The following SCAPER variants were observed in gnomAD, a reference collection of about 807,000 sequenced individuals.
The protein encoded by SCAPER is S-phase cyclin A associated protein in the ER.
In SCAPER, 98 loss-of-function variants were observed where a neutral mutation model predicts 182.2. That is an observed-to-expected ratio of 0.54 (90% CI 0.46 to 0.64). The LOEUF is 0.64. SCAPER is among the 30% of genes least tolerant of loss of function. The pLI, the probability that SCAPER is intolerant of heterozygous loss-of-function variation, is 0.00. For synonymous variants in SCAPER, 605 were observed against 564.6 expected, an observed-to-expected ratio of 1.07 and a Z score of -1.01; for missense variants, 1,432 against 1,690.0, an observed-to-expected ratio of 0.85 and a Z score of 2.68.
chr15:76,602,930 T>C lies in SCAPER; in HGVS notation c.2711+18834A>G, dbSNP rs572612580. ...TGGCATTTCTTTTTTTTTTTTTTAA[T>C]TTGAGCTCATTTATTGGTTCAGAAT... On this transcript the variant is annotated intron_variant, in intron 22 of 31. Coordinates refer to ENST00000563290, the MANE Select transcript of SCAPER (RefSeq NM_020843.4). Among the ~76,000 whole-genome samples, 53 of 116,794 alleles carry C rather than the reference T, an allele frequency of 4.5e-4. 4 individuals carry two copies. Among genetic ancestry groups the C allele is most frequent in the African/African-American group, 1.3e-3 (51 of 39,020 alleles). 76.6% of individuals were successfully genotyped at this position (116,794 alleles called of 152,430 possible).
At chr15:76,765,784 G>T in intron 11 of SCAPER, 146 bp from the exon 12 acceptor site, 1 of 668,492 alleles carries the variant, frequency 1.5e-6, no homozygotes, top group Non-Finnish European at 2.6e-6. Flanking sequence ...GTACCTACCA[G>T]TACAATCAAA....
chr15:76,756,547 ATGCTGGGAGACAGAGCAAGTCCCT>A, intron 14 of SCAPER, among the ~76,000 whole-genome samples: 1 of 152,304 alleles, frequency 6.6e-6, no homozygotes, highest in African/African-American at 2.4e-5. Context: ...ACTGCACTCC[ATGCTGGGAGACAGAGCAAGTCCCT>A]GACTCTAAAA....
intron 23 of SCAPER, among the ~76,000 whole-genome samples, chr15:76,549,621 A>G (rs1845513184): frequency 1.3e-5 from 2 of 152,198 alleles, no homozygotes; most frequent in Non-Finnish European, 2.9e-5. Context: ...GGGGAGGGAT[A>G]GCATTAGGAG....
chr15:76,584,558 T>A (rs2048494339), intron 22 of SCAPER, among the ~76,000 whole-genome samples: 1 of 152,134 alleles, frequency 6.6e-6, no homozygotes, highest in Non-Finnish European at 1.5e-5. Context: ...CCACAAAAAT[T>A]AAATATAAAA....
intron 22 of SCAPER, among the ~76,000 whole-genome samples, chr15:76,592,220 T>C (rs2049174957): frequency 6.6e-6 from 1 of 151,792 alleles, no homozygotes; most frequent in Non-Finnish European, 1.5e-5. Flanking sequence ...AATTAAAATA[T>C]TTTTAAAATG....
At chr15:76,409,114 G>T (rs1851924222) in intron 26 of SCAPER, among the ~76,000 whole-genome samples, 1 of 152,096 alleles carries the variant, frequency 6.6e-6, no homozygotes, top group Non-Finnish European at 1.5e-5. Context: ...ATCTTTAAAT[G>T]ACTGGCTAAG....
At chr15:76,393,445 C>G (rs905678199) in intron 27 of SCAPER, among the ~76,000 whole-genome samples, 1 of 152,140 alleles carries the variant, frequency 6.6e-6, no homozygotes, top group Non-Finnish European at 1.5e-5. Context: ...TAGCTAATGA[C>G]AACAAAATAT....
chr15:76,834,301 A>T (rs2068748225), intron 5 of SCAPER, among the ~76,000 whole-genome samples: 1 of 152,210 alleles, frequency 6.6e-6, no homozygotes, highest in Admixed American at 6.5e-5. Context: ...TGAAACTAAT[A>T]AAAACAAAGA....
intron 1 of SCAPER, among the ~76,000 whole-genome samples, chr15:76,891,642 C>A (rs2074173289): frequency 6.6e-6 from 1 of 152,120 alleles, no homozygotes; most frequent in South Asian, 2.1e-4. Flanking sequence ...GAACTACAAA[C>A]CACTACGCAA....
intron 17 of SCAPER, among the ~76,000 whole-genome samples, chr15:76,712,368 G>C (rs935363447): frequency 7.9e-5 from 12 of 152,140 alleles, no homozygotes; most frequent in African/African-American, 2.9e-4. Flanking sequence ...AAGTCAGGTA[G>C]TGTGATGCCT....
intron 5 of SCAPER, among the ~76,000 whole-genome samples, chr15:76,806,291 T>C (rs1346065154): frequency 6.6e-6 from 1 of 152,202 alleles, no homozygotes; most frequent in African/African-American, 2.4e-5. Flanking sequence ...CTGTTGAAAA[T>C]ACTATTCTTT....
At chr15:76,687,710 G>A (rs138990196) in intron 20 of SCAPER, among the ~76,000 whole-genome samples, 5,958 of 152,244 alleles carry the variant, frequency 0.039, 152 homozygotes, top group Non-Finnish European at 0.061. Flanking sequence ...CTGTTCTTGT[G>A]TTGGTTTGCT....
Position 76,602,624 on chromosome 15 carries a change from G to A in SCAPER, c.2711+19140C>T, listed in dbSNP as rs767483701. ...GGATTTGGTGTCTGTCACTAATTTG[G>A]GGAAAATTCTCAGTCATGATTGTTT... On this transcript the variant is annotated intron_variant, in intron 22 of 31. Coordinates refer to ENST00000563290, the MANE Select transcript of SCAPER (RefSeq NM_020843.4). Among the ~76,000 whole-genome samples the A allele has an allele frequency of 1.7e-5, 2 of 119,844 alleles. 1 individual carries two copies. The highest frequency in any genetic ancestry group is 4.0e-5 in the Non-Finnish European group (2 of 49,506). 78.6% of individuals were successfully genotyped at this position (119,844 alleles called of 152,430 possible).
intron 5 of SCAPER, among the ~76,000 whole-genome samples, chr15:76,834,940 A>T (rs1041680533): frequency 1.3e-5 from 2 of 152,176 alleles, no homozygotes; most frequent in African/African-American, 4.8e-5. Context: ...TCCCTGAACC[A>T]GACAGATTCA....
chr15:76,834,621 G>C (rs2068774831), intron 5 of SCAPER, among the ~76,000 whole-genome samples: 2 of 151,936 alleles, frequency 1.3e-5, no homozygotes, highest in African/African-American at 2.4e-5. Flanking sequence ...AAGAAAAGTT[G>C]GTTCTTAGAA....
intron 23 of SCAPER, among the ~76,000 whole-genome samples, chr15:76,520,096 G>A (rs752058669): frequency 1.3e-5 from 2 of 152,080 alleles, no homozygotes; most frequent in Non-Finnish European, 2.9e-5. Flanking sequence ...TCTAGATTGT[G>A]TTTAGTCTTC....
chr15:76,652,273 A>AT (rs1555519291), intron 21 of SCAPER, among the ~76,000 whole-genome samples: 2 of 12,860 alleles, frequency 1.6e-4, no homozygotes, highest in Admixed American at 1.5e-3. Context: ...AAAAAAAAAA[A>AT]ATATATATAT....
chr15:76,642,248 T>C (rs2054163435), intron 21 of SCAPER, among the ~76,000 whole-genome samples: 1 of 152,224 alleles, frequency 6.6e-6, no homozygotes. Context: ...TCTTCTAATC[T>C]ATCCTAAATT....
intron 21 of SCAPER, among the ~76,000 whole-genome samples, chr15:76,636,289 G>T (rs2053595914): frequency 1.3e-5 from 2 of 152,024 alleles, no homozygotes; most frequent in East Asian, 1.9e-4. Flanking sequence ...CCATACTAAG[G>T]ATCCCTTATA....
Sources: allele counts gnomAD v4.1 joint callset (sites outside exome capture counted in the v4.1 genomes callset), GRCh38; gene constraint gnomAD v4.1.1; transcripts MANE v1.5; gene names NCBI Gene and HGNC (gene_info 2026-07-23, HGNC 2026-07-21).